The following SGIP1 variants were observed in gnomAD, a reference collection of about 807,000 sequenced individuals.
SGIP1 encodes SH3GL interacting endocytic adaptor 1.
In SGIP1, 38 loss-of-function variants were observed where a neutral mutation model predicts 107.5. The observed-to-expected ratio is 0.35, with a 90% CI of 0.27 to 0.46. The LOEUF (loss-of-function observed/expected upper bound fraction) is 0.46. Among genes scored for constraint, SGIP1 ranks in the 20% least tolerant of loss-of-function variants. SGIP1 has a pLI of 1.00. For synonymous variants in SGIP1, 365 were observed against 366.1 expected (o/e 1.00, Z 0.03); for missense variants, 929 against 1,019.5 (o/e 0.91, Z 1.21).
At chr1:66,660,008 CAGACAGACAGGA>C (rs1316286777) in intron 7 of SGIP1, 2 of 42,746 alleles carry the variant, frequency 4.7e-5, no homozygotes, top group African/African-American at 3.2e-4. Flanking sequence ...GACAGACAGA[CAGACAGACAGGA>C]AGGAAGGAAG....
intron 2 of SGIP1, among the ~76,000 whole-genome samples, chr1:66,630,881 A>G (rs1463641755): frequency 2.6e-4 from 16 of 61,484 alleles, no homozygotes; most frequent in South Asian, 1.7e-3. Context: ...GAAAGAAAGA[A>G]AGAAAGAAAG....
intron 1 of SGIP1, among the ~76,000 whole-genome samples, chr1:66,555,183 A>C (rs1465074674): frequency 6.6e-6 from 1 of 152,024 alleles, no homozygotes; most frequent in Admixed American, 6.6e-5. Flanking sequence ...CCCAGGCTCT[A>C]CCCAACTTCC....
intron 18 of SGIP1, among the ~76,000 whole-genome samples, chr1:66,717,858 G>A (rs2093331684): frequency 6.6e-6 from 1 of 152,164 alleles, no homozygotes; most frequent in Non-Finnish European, 1.5e-5. Context: ...TAATGTTAAT[G>A]GAGGTCATTA....
At chr1:66,737,450 T>C (rs2094305504) in intron 21 of SGIP1, among the ~76,000 whole-genome samples, 1 of 152,144 alleles carries the variant, frequency 6.6e-6, no homozygotes, top group African/African-American at 2.4e-5. Context: ...CCTAACACTT[T>C]GGGAGGCTGA....
chr1:66,605,912 C>T (rs185384817), intron 1 of SGIP1, among the ~76,000 whole-genome samples: 1 of 152,234 alleles, frequency 6.6e-6, no homozygotes, highest in African/African-American at 2.4e-5. Context: ...GATTGCTTCG[C>T]GGTTCAGCCA....
intron 1 of SGIP1, among the ~76,000 whole-genome samples, chr1:66,621,283 G>T (rs1194770968): frequency 6.6e-6 from 1 of 152,076 alleles, no homozygotes; most frequent in South Asian, 2.1e-4. Context: ...GACAACTTTG[G>T]CAAAACAAGA....
chr1:66,594,454 G>A (rs1570282491), intron 1 of SGIP1, among the ~76,000 whole-genome samples: 1 of 152,160 alleles, frequency 6.6e-6, no homozygotes, highest in East Asian at 1.9e-4. Flanking sequence ...GAAGAGTGTG[G>A]TTTAGGAAGG....
chr1:66,631,095 GAAAGA>G (rs796516169), intron 2 of SGIP1, among the ~76,000 whole-genome samples: 2,249 of 136,118 alleles, frequency 0.017, 28 homozygotes, highest in East Asian at 0.068. Flanking sequence ...AAGAAAGAAA[GAAAGA>G]AAAAAAGAAA....
intron 18 of SGIP1, among the ~76,000 whole-genome samples, chr1:66,702,079 C>T (rs899571232): frequency 5.9e-5 from 9 of 152,150 alleles, no homozygotes; most frequent in Non-Finnish European, 1.2e-4. Context: ...GCCCTTAATA[C>T]GGGCTACATT....
At chr1:66,639,754 A>T in intron 4 of SGIP1, 23 bp from the exon 5 acceptor site, 2 of 1,588,430 alleles carry the variant, frequency 1.3e-6, no homozygotes, top group Non-Finnish European at 1.7e-6. Flanking sequence ...TTCCTTCTAA[A>T]TTCATTTTCA....
chr1:66,588,528 G>A (rs76444801), intron 1 of SGIP1, among the ~76,000 whole-genome samples: 9 of 151,730 alleles, frequency 5.9e-5, no homozygotes, highest in Admixed American at 5.9e-4. Flanking sequence ...GATGTAGTCA[G>A]TCTAATATAG....
Position 66,750,433 on chromosome 1 carries a change from CAATT to C in SGIP1, c.*7341_*7344del, listed in dbSNP as rs2094609054. On this transcript the variant is annotated 3_prime_UTR_variant, in exon 25 of 25. Coordinates refer to ENST00000371037, the MANE Select transcript of SGIP1 (RefSeq NM_032291.4). ...GTTTCTATAGGTAATGAAATCCTGT[CAATT>C]AAGGAAAATGCTGTGTGTAATTTGA... is the stretch of plus-strand genomic sequence containing the variant. 6.6e-6 allele frequency among the ~76,000 whole-genome samples: 1 copy of C among 152,000 alleles called. No individual in the cohort carries two copies. Among genetic ancestry groups the C allele is most frequent in the African/African-American group, 2.4e-5 (1 of 41,392 alleles).
At position 66,534,266 on chromosome 1, in the gene SGIP1, A is replaced by G; in HGVS notation, c.-93A>G. ...GACAGCGGACGGAATAGACCTCAGCAGCGGCGTGGTGAGGACTTAGCTGGG... is the reference window on the plus strand; with the variant it reads ...GACAGCGGACGGAATAGACCTCAGCGGCGGCGTGGTGAGGACTTAGCTGGG... On this transcript the variant is annotated 5_prime_UTR_variant, in exon 1 of 25. Transcript: ENST00000371037. 2 of 1,345,320 alleles carry G rather than the reference A, an allele frequency of 1.5e-6. No homozygotes were observed. Among genetic ancestry groups the G allele is most frequent in the Non-Finnish European group, 2.1e-6 (2 of 935,730 alleles). 83.3% of individuals were successfully genotyped at this position (1,345,320 alleles called of 1,614,324 possible).
chr1:66,614,809 C>CTTTTTT lies in SGIP1; in HGVS notation c.11-11016_11-11011dup, dbSNP rs10707091. On this transcript the variant is annotated intron_variant, in intron 1 of 24. Coordinates refer to ENST00000371037, the MANE Select transcript of SGIP1 (RefSeq NM_032291.4). ...CTAATAGGGGCTATGTTCCAGCTGTCTTTTTTTTTTTTTTTTTTTTTTTTT... is the reference window on the plus strand; with the variant it reads ...CTAATAGGGGCTATGTTCCAGCTGTCTTTTTTTTTTTTTTTTTTTTTTTTTTTTTTT... Among the ~76,000 whole-genome samples, 11 of 59,416 alleles carry CTTTTTT rather than the reference C, an allele frequency of 1.9e-4. 2 individuals are homozygous for CTTTTTT. The highest frequency in any genetic ancestry group is 2.7e-4 in the African/African-American group (4 of 14,692). 39.0% of individuals were successfully genotyped at this position (59,416 alleles called of 152,430 possible). A position where few individuals can be genotyped will look rare whatever the true frequency, so the allele number is the denominator to read the frequency against.
At chr1:66,629,557 T>C (rs535849577) in intron 2 of SGIP1, among the ~76,000 whole-genome samples, 92 of 151,514 alleles carry the variant, frequency 6.1e-4, no homozygotes, top group African/African-American at 2.1e-3. Flanking sequence ...AGAATTAAAA[T>C]CCAGACAGAT....
At chr1:66,697,090 A>C (rs1422704523) in intron 18 of SGIP1, among the ~76,000 whole-genome samples, 1 of 152,078 alleles carries the variant, frequency 6.6e-6, no homozygotes, top group East Asian at 1.9e-4. Context: ...AACAACTCTG[A>C]CAGTTTTTTG....
chr1:66,564,168 C>A (rs2059346095), intron 1 of SGIP1, among the ~76,000 whole-genome samples: 1 of 151,916 alleles, frequency 6.6e-6, no homozygotes, highest in South Asian at 2.1e-4. Flanking sequence ...TCTAAAGAAG[C>A]AATTTGGAAA....
At chr1:66,568,896 C>A (rs1406887080) in intron 1 of SGIP1, among the ~76,000 whole-genome samples, 1 of 151,876 alleles carries the variant, frequency 6.6e-6, no homozygotes, top group Non-Finnish European at 1.5e-5. Context: ...TCCAAAATTT[C>A]TCTTGGGAAC....
At chr1:66,533,969 C>T (rs1322256033), upstream of SGIP1, among the ~76,000 whole-genome samples, 1 of 124,816 alleles carries the variant, frequency 8.0e-6, no homozygotes, top group Admixed American at 8.4e-5. Flanking sequence ...TGGTGACAAG[C>T]GGGAGGCGAT....
Sources: allele counts gnomAD v4.1 joint callset (sites outside exome capture counted in the v4.1 genomes callset), GRCh38; gene constraint gnomAD v4.1.1; transcripts MANE v1.5; gene names NCBI Gene and HGNC (gene_info 2026-07-23, HGNC 2026-07-21).